TREM1: variants seen among roughly 807,000 people sequenced by gnomAD.
TREM1 encodes the protein triggering receptor expressed on monocytes 1.
Under a neutral mutation model 22.4 loss-of-function variants are expected in TREM1, and 16 were observed. That is an observed-to-expected ratio of 0.71 (90% CI 0.48 to 1.08). The LOEUF (loss-of-function observed/expected upper bound fraction) is 1.08, where lower values mean the gene tolerates loss of function less well. Among genes scored for constraint, TREM1 ranks in the 50% least tolerant of loss-of-function variants. The pLI is 0.00. For synonymous variants in TREM1, 110 were observed against 111.6 expected (o/e 0.99, Z 0.09); for missense variants, 283 against 282.9 (o/e 1.00, Z 0.00).
downstream of TREM1, among the ~76,000 whole-genome samples, chr6:41,270,620 C>T (rs1159191221): frequency 6.6e-6 from 1 of 152,050 alleles, no homozygotes; most frequent in African/African-American, 2.4e-5. Flanking sequence ...TAAAAAGGTA[C>T]AAAAGAACTT....
Position 41,274,793 on chromosome 6 carries a change from C to T in TREM1, c.*1332G>A, listed in dbSNP as rs1379400997. ...GAGCAGTCTGGAAGCTGGACCTCCC[C>T]GTGCAGGGAACTTTTTCCACAGAAG... is the stretch of plus-strand genomic sequence containing the variant. On this transcript the variant is annotated 3_prime_UTR_variant, in exon 4 of 4. Transcript: ENST00000244709. 5.9e-5 allele frequency among the ~76,000 whole-genome samples: 9 copies of T among 152,080 alleles called. No individual in the cohort carries two copies.
At chr6:41,277,486 T>G (rs898597366) in intron 3 of TREM1, among the ~76,000 whole-genome samples, 18 of 152,170 alleles carry the variant, frequency 1.2e-4, no homozygotes, top group Admixed American at 1.0e-3. Context: ...AACCTGAATG[T>G]CCTGGCTTCC....
At position 41,281,068 on chromosome 6, in the gene TREM1, T is replaced by A; in HGVS notation, c.492A>T (p.Pro164=). Residue 164 remains proline, a synonymous_variant, in exon 3 of 4, where the codon CCA becomes CCT. Transcript: ENST00000244709. ...IPPTTTKALC[P]LYTSPRTVTQ... Reference sequence around the variant, plus strand: ...TCACAGTTCTGGGGCTGGTATAGAGTGGGCACAAGGCCTTAGTGGTGGTAG... The same window carrying A: ...TCACAGTTCTGGGGCTGGTATAGAGAGGGCACAAGGCCTTAGTGGTGGTAG... 2 of 1,614,006 alleles carry A rather than the reference T, an allele frequency of 1.2e-6. No homozygotes were observed. The highest frequency in any genetic ancestry group is 1.7e-6 in the Non-Finnish European group (2 of 1,179,986).
rs1243735112 is a variant in TREM1 at position 41,274,893 on chromosome 6, G to A, written c.*1232C>T. ...TGTGGAAAAGTATGATTGCTCTTGG[G>A]AACTGAGGATAATATCTGCCCTGGG... On this transcript the variant is annotated 3_prime_UTR_variant, in exon 4 of 4. Coordinates refer to ENST00000244709, the MANE Select transcript of TREM1 (RefSeq NM_018643.5). Among the ~76,000 whole-genome samples, 2 of 152,134 alleles carry A rather than the reference G, an allele frequency of 1.3e-5. No individual in the cohort carries two copies. The highest frequency in any genetic ancestry group is 2.4e-5 in the African/African-American group (1 of 41,422).
Position 41,276,245 on chromosome 6 carries a change from A to C in TREM1, c.600-15T>G, listed in dbSNP as rs748128003. On this transcript the variant is annotated splice_polypyrimidine_tract_variant and intron_variant, in intron 3 of 3. Transcript: ENST00000244709. ...ACACCGGAACCCTGCGGGAGACAAG[A>C]GGCTGAACGCTACTGCTGGCAAAGT... 1 of 1,603,770 alleles carries C rather than the reference A, an allele frequency of 6.2e-7. No homozygotes were observed. The highest frequency in any genetic ancestry group is 8.5e-7 in the Non-Finnish European group (1 of 1,170,860).
downstream of TREM1, among the ~76,000 whole-genome samples, chr6:41,273,495 G>A (rs1178142157): frequency 2.0e-5 from 3 of 152,224 alleles, no homozygotes; most frequent in African/African-American, 7.2e-5. Context: ...CTGCAAGGAT[G>A]CAGAGCTAGA....
rs138787860 is a variant in TREM1 at position 41,275,848 on chromosome 6, C to A, written c.*277G>T. The A allele has an allele frequency of 2.0e-3, 988 of 490,194 alleles. 5 individuals carry two copies. Among genetic ancestry groups the A allele is most frequent in the African/African-American group, 0.014 (741 of 51,504 alleles). 30.4% of individuals were successfully genotyped at this position (490,194 alleles called of 1,614,324 possible). A position where few individuals can be genotyped will look rare whatever the true frequency, so the allele number is the denominator to read the frequency against. ...ATTACGGTGAAAAGCATTGAGCTGTCTGTATTTCATGCCAACCCCAAGTGG... is the reference window on the plus strand; with the variant it reads ...ATTACGGTGAAAAGCATTGAGCTGTATGTATTTCATGCCAACCCCAAGTGG... On this transcript the variant is annotated 3_prime_UTR_variant, in exon 4 of 4. Coordinates refer to ENST00000244709, the MANE Select transcript of TREM1 (RefSeq NM_018643.5).
chr6:41,271,976 G>A (rs1415158498), downstream of TREM1, among the ~76,000 whole-genome samples: 21 of 152,142 alleles, frequency 1.4e-4, no homozygotes, highest in Non-Finnish European at 5.9e-5. Context: ...TCAGAGCCCT[G>A]CCCCCTCCAC....
intron 2 of TREM1, 172 bp from the exon 3 acceptor site, chr6:41,281,325 T>A (rs1767912308): frequency 1.3e-6 from 1 of 753,846 alleles, no homozygotes; most frequent in South Asian, 2.0e-5. Flanking sequence ...AAATGCAAAG[T>A]TTTCCTTTGC....
At position 41,279,641 on chromosome 6, in the gene TREM1, T is replaced by C. The variant is rs1767822543; in HGVS notation, c.599+1320A>G. On this transcript the variant is annotated intron_variant, in intron 3 of 3. Transcript: ENST00000244709. ...TGCCACTACCCATATGGAGGTGGAG[T>C]CTACACTCATAGAGAAATTAGAGCA... The C allele has an allele frequency of 4.1e-6, 4 of 984,992 alleles. No individual in the cohort carries two copies. In the South Asian group the frequency reaches 1.9e-4, roughly 46 times the overall value. 61.0% of individuals were successfully genotyped at this position (984,992 alleles called of 1,614,324 possible). A position where few individuals can be genotyped will look rare whatever the true frequency, so the allele number is the denominator to read the frequency against.
At chr6:41,279,936 C>T (rs892951655) in intron 3 of TREM1, 5 of 976,022 alleles carry the variant, frequency 5.1e-6, no homozygotes, top group Non-Finnish European at 6.1e-6. Context: ...ATGTTTATCT[C>T]AGAGTTATCA....
At chr6:41,267,671 T>C (rs1244546320), downstream of TREM1, among the ~76,000 whole-genome samples, 1 of 151,366 alleles carries the variant, frequency 6.6e-6, no homozygotes, top group Non-Finnish European at 1.5e-5. Context: ...GGAGGGAGGA[T>C]CACTTGAGCC....
chr6:41,282,619 C>T lies in TREM1; in HGVS notation c.182G>A (p.Gly61Glu). The T allele has an allele frequency of 6.2e-7, 1 of 1,614,206 alleles. No homozygotes were observed. The highest frequency in any genetic ancestry group is 1.3e-5 in the African/African-American group (1 of 75,042). The change falls in exon 2 of 4, where the codon GGA (glycine) becomes GAA (glutamate). Residue 61 changes from glycine (G) to glutamate (E), a missense_variant. Transcript: ENST00000244709. Reference sequence around the variant, plus strand: ...GCATGCCAGGGTCTTGGGCATCTCTCCGTCCCTTATTATCTGCCAAGCTTT... The same window carrying T: ...GCATGCCAGGGTCTTGGGCATCTCTTCGTCCCTTATTATCTGCCAAGCTTT... ...SQKAWQIIRDGEMPKTLACTE... is the reference protein window; with the variant it reads ...SQKAWQIIRDEEMPKTLACTE...
At position 41,280,947 on chromosome 6, in the gene TREM1, C is replaced by G. The variant is rs748846534; in HGVS notation, c.599+14G>C. 1 of 1,614,084 alleles carries G rather than the reference C, an allele frequency of 6.2e-7. No individual in the cohort carries two copies. The highest frequency in any genetic ancestry group is 1.3e-5 in the African/African-American group (1 of 74,924). On this transcript the variant is annotated intron_variant, in intron 3 of 3. Transcript: ENST00000244709. ...AGTGTCCAAACCAGGGGCCCAGGGACCTGGAAACTATACCTGATGATATCT... is the reference window on the plus strand; with the variant it reads ...AGTGTCCAAACCAGGGGCCCAGGGAGCTGGAAACTATACCTGATGATATCT...
At chr6:41,278,950 TG>T (rs1767785660) in intron 3 of TREM1, among the ~76,000 whole-genome samples, 1 of 152,162 alleles carries the variant, frequency 6.6e-6, no homozygotes, top group Non-Finnish European at 1.5e-5. Context: ...GGAAAACTCC[TG>T]GGGCTGGGGT....
chr6:41,269,209 G>T (rs1425976115), downstream of TREM1, among the ~76,000 whole-genome samples: 1 of 152,146 alleles, frequency 6.6e-6, no homozygotes, highest in Non-Finnish European at 1.5e-5. Context: ...CCCCATGTAG[G>T]CAGGAAGGCT....
At chr6:41,268,722 C>T (rs1767400532), downstream of TREM1, among the ~76,000 whole-genome samples, 1 of 152,110 alleles carries the variant, frequency 6.6e-6, no homozygotes, top group Non-Finnish European at 1.5e-5. Flanking sequence ...CTTCTATTGC[C>T]CTGTGATGGC....
intron 3 of TREM1, 57 bp from the exon 4 acceptor site, chr6:41,276,287 T>C: frequency 1.5e-6 from 2 of 1,321,506 alleles, no homozygotes; most frequent in Admixed American, 1.7e-5. Context: ...CACACGCACA[T>C]GTTCCCTCTA....
chr6:41,276,212 A>G lies in TREM1; in HGVS notation c.618T>C (p.Ile206=). ...TDIIRVPVFN[I]VILLAGGFLS... is the part of the protein sequence containing the mutation. Reference sequence around the variant, plus strand: ...GGAATCCACCAGCCAGGAGAATGACAATGTTGAACACCGGAACCCTGCGGG... The same window carrying G: ...GGAATCCACCAGCCAGGAGAATGACGATGTTGAACACCGGAACCCTGCGGG... Residue 206 remains isoleucine (I), a synonymous_variant, in exon 4 of 4, where the codon ATT becomes ATC. Transcript: ENST00000244709. 1.2e-6 allele frequency: 2 copies of G among 1,614,066 alleles called. No individual in the cohort carries two copies. The highest frequency in any genetic ancestry group is 1.7e-6 in the Non-Finnish European group (2 of 1,179,994).
Sources: allele counts gnomAD v4.1 joint callset (sites outside exome capture counted in the v4.1 genomes callset), GRCh38; gene constraint gnomAD v4.1.1; transcripts MANE v1.5; gene names NCBI Gene and HGNC (gene_info 2026-07-23, HGNC 2026-07-21).